The following CLYBL variants were observed in gnomAD, a reference collection of about 807,000 sequenced individuals.
CLYBL encodes the protein citramalyl-CoA lyase, also known as citramalyl-CoA lyase, mitochondrial.
Under a neutral mutation model 38.9 loss-of-function variants are expected in CLYBL, and 31 were observed. The observed-to-expected ratio is 0.80, with a 90% CI of 0.60 to 1.08. CLYBL has a LOEUF of 1.08. CLYBL is among the 50% of genes least tolerant of loss of function. The pLI is 0.00. For missense variants in CLYBL, 434 were observed against 411.6 expected (o/e 1.05, Z -0.47); for synonymous variants, 171 against 158.6 (o/e 1.08, Z -0.59).
At chr13:99,813,903 G>A (rs148664577) in intron 2 of CLYBL, among the ~76,000 whole-genome samples, 4 of 152,108 alleles carry the variant, frequency 2.6e-5, no homozygotes, top group South Asian at 4.1e-4. Context: ...GGCCATCCCC[G>A]TGGACCAAAG....
intron 1 of CLYBL, among the ~76,000 whole-genome samples, chr13:99,687,100 G>C (rs1257451877): frequency 6.6e-6 from 1 of 152,190 alleles, no homozygotes; most frequent in Non-Finnish European, 1.5e-5. Flanking sequence ...GCAAGACTAA[G>C]GTGTAGCTCC....
chr13:99,857,905 A>G (rs575129639), intron 2 of CLYBL, among the ~76,000 whole-genome samples: 111 of 152,304 alleles, frequency 7.3e-4, no homozygotes, highest in African/African-American at 2.3e-3. Flanking sequence ...ACTACTTTTG[A>G]TAAGTGTTCA....
At chr13:99,613,847 C>T (rs181102451) in intron 1 of CLYBL, among the ~76,000 whole-genome samples, 77 of 152,188 alleles carry the variant, frequency 5.1e-4, no homozygotes, top group Admixed American at 4.6e-3. Context: ...ACTTCAGTTG[C>T]CCAAATGCAT....
At chr13:99,661,499 G>T (rs1284464870) in intron 1 of CLYBL, among the ~76,000 whole-genome samples, 1 of 152,068 alleles carries the variant, frequency 6.6e-6, no homozygotes, top group Non-Finnish European at 1.5e-5. Context: ...TTTTAAACCT[G>T]TATATTTATT....
chr13:99,640,007 G>A (rs2047071532), intron 1 of CLYBL, among the ~76,000 whole-genome samples: 1 of 152,204 alleles, frequency 6.6e-6, no homozygotes, highest in Non-Finnish European at 1.5e-5. Context: ...CCAGGCATGT[G>A]ATTGTCATAT....
chr13:99,897,457 A>AG (rs1165245813), downstream of CLYBL, among the ~76,000 whole-genome samples: 1 of 152,170 alleles, frequency 6.6e-6, no homozygotes, highest in African/African-American at 2.4e-5. Context: ...AAGGTATAGA[A>AG]GGGGGCCAGA....
intron 1 of CLYBL, among the ~76,000 whole-genome samples, chr13:99,671,029 C>T (rs1214880712): frequency 6.6e-6 from 1 of 152,212 alleles, no homozygotes; most frequent in Non-Finnish European, 1.5e-5. Context: ...TCTCCCTTGT[C>T]CGCTGCCCTT....
At chr13:99,774,332 C>T (rs1055536187) in intron 2 of CLYBL, among the ~76,000 whole-genome samples, 7 of 152,160 alleles carry the variant, frequency 4.6e-5, no homozygotes, top group African/African-American at 1.7e-4. Flanking sequence ...TTGTTTTGCT[C>T]AACTTTGTTT....
Position 99,772,937 on chromosome 13 carries a change from T to G in CLYBL, c.176T>G (p.Ile59Arg), listed in dbSNP as rs763332651. The change falls in exon 2 of 9, where the codon ATA becomes AGA. Residue 59 changes from isoleucine to arginine, a missense_variant. Transcript: ENST00000339105. ...LYVPGNDEKK[I>R]KKIPSLNVDC... is the part of the protein sequence containing the mutation. ...GTACCTGGAAATGATGAAAAGAAAATAAAGAAGATTCCATCCCTGAATGTA... is the reference window on the plus strand; with the variant it reads ...GTACCTGGAAATGATGAAAAGAAAAGAAAGAAGATTCCATCCCTGAATGTA... The G allele has an allele frequency of 1.9e-6, 3 of 1,613,566 alleles. No individual in the cohort carries two copies. The South Asian group carries it at 3.3e-5, about 18-fold the overall frequency.
intron 1 of CLYBL, among the ~76,000 whole-genome samples, chr13:99,719,153 A>AT (rs34168768): frequency 0.38 from 51,713 of 135,600 alleles, 11,003 homozygotes; most frequent in Middle Eastern, 0.54. Context: ...CACAAGGCCT[A>AT]TTTTTTTTTT....
chr13:99,685,257 G>A (rs2047799614), intron 1 of CLYBL, among the ~76,000 whole-genome samples: 1 of 152,102 alleles, frequency 6.6e-6, no homozygotes, highest in Non-Finnish European at 1.5e-5. Flanking sequence ...ATACCTTTAT[G>A]AAAACTCAAT....
At chr13:99,722,015 G>T (rs1023847694) in intron 1 of CLYBL, among the ~76,000 whole-genome samples, 1 of 152,148 alleles carries the variant, frequency 6.6e-6, no homozygotes, top group African/African-American at 2.4e-5. Context: ...ACCCATCTGG[G>T]TGGTATCAAC....
intron 1 of CLYBL, among the ~76,000 whole-genome samples, chr13:99,710,185 T>G (rs190989078): frequency 1.2e-3 from 181 of 152,244 alleles, no homozygotes; most frequent in African/African-American, 4.1e-3. Context: ...GTGCTGGGAT[T>G]ACAAGCGTGA....
At chr13:99,702,854 C>A (rs1030810805) in intron 1 of CLYBL, among the ~76,000 whole-genome samples, 1 of 152,162 alleles carries the variant, frequency 6.6e-6, no homozygotes, top group Non-Finnish European at 1.5e-5. Context: ...TATCTAAGCA[C>A]GTTGCTCTGC....
chr13:99,903,414 ACT>A (rs1194640730), intron 8 of CLYBL, among the ~76,000 whole-genome samples: 1 of 147,100 alleles, frequency 6.8e-6, no homozygotes, highest in African/African-American at 2.5e-5. Context: ...ACACTCACAC[ACT>A]CGCACACGCA....
At chr13:99,866,579 T>C (rs1034892533) in intron 6 of CLYBL, among the ~76,000 whole-genome samples, 172 bp downstream of exon 6, 2 of 152,154 alleles carry the variant, frequency 1.3e-5, no homozygotes, top group African/African-American at 4.8e-5. Flanking sequence ...TTGTCATGGT[T>C]TTCCTTGGCC....
At chr13:99,847,561 G>A (rs1009668634) in intron 2 of CLYBL, among the ~76,000 whole-genome samples, 1 of 152,182 alleles carries the variant, frequency 6.6e-6, no homozygotes, top group African/African-American at 2.4e-5. Context: ...CGGGCTAAGC[G>A]AGACCAATTA....
At chr13:99,867,005 T>A (rs982625643) in intron 6 of CLYBL, among the ~76,000 whole-genome samples, 3 of 151,998 alleles carry the variant, frequency 2.0e-5, no homozygotes, top group African/African-American at 7.2e-5. Context: ...CACAGGCGGG[T>A]ATCTGTTGAT....
At chr13:99,648,771 GCTA>G (rs1380465187) in intron 1 of CLYBL, among the ~76,000 whole-genome samples, 1 of 152,066 alleles carries the variant, frequency 6.6e-6, no homozygotes, top group Non-Finnish European at 1.5e-5. Context: ...TAGAATGTTA[GCTA>G]CCTAGTGTCA....
Sources: gnomAD v4.1 joint callset for allele counts (sites outside exome capture counted in the v4.1 genomes callset) on GRCh38, gnomAD v4.1.1 for gene constraint, MANE v1.5 for transcripts, NCBI Gene and HGNC (gene_info 2026-07-23, HGNC 2026-07-21) for gene names.